FAM185A: variants seen among roughly 807,000 people sequenced by gnomAD.
The protein encoded by FAM185A is family with sequence similarity 185 member A.
A neutral mutation model predicts 45.7 loss-of-function variants in FAM185A; 21 were observed. That is an observed-to-expected ratio of 0.46 (90% confidence interval 0.33 to 0.66). The LOEUF (loss-of-function observed/expected upper bound fraction) is 0.66, where lower values mean the gene tolerates loss of function less well. Ranked by LOEUF, FAM185A falls within the 30% of genes least tolerant of loss-of-function variation. The pLI is 0.03. For missense variants in FAM185A, 305 were observed against 485.4 expected (o/e 0.63, Z 3.49); for synonymous variants, 117 against 194.0 (o/e 0.60, Z 3.30).
intron 7 of FAM185A, among the ~76,000 whole-genome samples, chr7:102,801,663 G>A (rs968408823): frequency 6.6e-6 from 1 of 152,208 alleles, no homozygotes; most frequent in East Asian, 1.9e-4. Context: ...AGTGGCTCAT[G>A]CCTATAATCC....
rs1350813287 is a variant in FAM185A at position 102,808,764 on chromosome 7, G to A, written c.*362G>A. On this transcript the variant is annotated 3_prime_UTR_variant, in exon 8 of 8. Transcript: ENST00000413034. ...TCATTCAGATTATTGGGAAAATCCA[G>A]TTCCTTGTGACTGGATGACTGAGGT... is the stretch of plus-strand genomic sequence containing the variant. 5.0e-6 allele frequency: 1 copy of A among 200,670 alleles called. No individual in the cohort carries two copies. The highest frequency in any genetic ancestry group is 1.3e-4 in the East Asian group (1 of 7,720). The allele number at this position is 200,670 out of a possible 1,614,324, so 12.4% of individuals were successfully genotyped here.
chr7:102,801,803 T>G (rs534573653), intron 7 of FAM185A, among the ~76,000 whole-genome samples: 1 of 151,900 alleles, frequency 6.6e-6, no homozygotes, highest in South Asian at 2.1e-4. Context: ...CGGGCACCTG[T>G]AATCCCAGCT....
chr7:102,769,419 A>G (rs183025717), intron 4 of FAM185A, among the ~76,000 whole-genome samples: 6 of 152,242 alleles, frequency 3.9e-5, no homozygotes, highest in African/African-American at 1.4e-4. Context: ...CTTTTTGAGA[A>G]AGACCATATT....
At chr7:102,789,779 C>T (rs911596470) in intron 7 of FAM185A, among the ~76,000 whole-genome samples, 45 of 152,256 alleles carry the variant, frequency 3.0e-4, no homozygotes, top group African/African-American at 1.0e-3. Flanking sequence ...CACAAACACA[C>T]TTTACAGCTG....
At chr7:102,801,917 G>A (rs1229571960) in intron 7 of FAM185A, among the ~76,000 whole-genome samples, 12 of 122,048 alleles carry the variant, frequency 9.8e-5, no homozygotes, top group South Asian at 2.7e-4. Context: ...GGGAGACTAC[G>A]TCTCAAAAAA....
chr7:102,791,606 G>A (rs1416870941), intron 7 of FAM185A, among the ~76,000 whole-genome samples: 2 of 152,238 alleles, frequency 1.3e-5, no homozygotes, highest in African/African-American at 4.8e-5. Context: ...CACAGTGGAA[G>A]AATCTAGGTA....
At chr7:102,832,924 GCAATAAGAGACATCCA>G in the FAM185A span, 1 of 1,614,234 alleles carries the variant, frequency 6.2e-7, no homozygotes. Context: ...ACAGCTGGGA[GCAATAAGAGACATCCA>G]AATGTTCCAA....
chr7:102,776,236 G>T (rs1247262152), intron 5 of FAM185A, among the ~76,000 whole-genome samples: 17 of 150,874 alleles, frequency 1.1e-4, no homozygotes, highest in Non-Finnish European at 2.4e-4. Context: ...TTTTTAAGAG[G>T]CCTCTCTAAA....
intron 7 of FAM185A, among the ~76,000 whole-genome samples, chr7:102,788,546 T>A (rs1009490840): frequency 6.6e-6 from 1 of 152,098 alleles, no homozygotes; most frequent in South Asian, 2.1e-4. Flanking sequence ...CCAAAAAACA[T>A]AACAGGAATA....
At chr7:102,789,196 A>G (rs1796000595) in intron 7 of FAM185A, among the ~76,000 whole-genome samples, 1 of 152,166 alleles carries the variant, frequency 6.6e-6, no homozygotes, top group Non-Finnish European at 1.5e-5. Context: ...ATAGCTCACT[A>G]TAAACTCAAA....
chr7:102,765,449 G>C (rs1203398127), intron 4 of FAM185A, among the ~76,000 whole-genome samples: 1 of 151,954 alleles, frequency 6.6e-6, no homozygotes, highest in Non-Finnish European at 1.5e-5. Context: ...GGAAACAAGA[G>C]CATGAAATTT....
intron 2 of FAM185A, chr7:102,755,357 A>C: frequency 1.7e-6 from 1 of 584,832 alleles, no homozygotes; most frequent in Middle Eastern, 4.6e-4. Context: ...TCCATACTCT[A>C]TAAGCAGCTG....
intron 5 of FAM185A, among the ~76,000 whole-genome samples, chr7:102,773,846 G>T (rs1405213147): frequency 1.3e-5 from 2 of 152,054 alleles, no homozygotes; most frequent in Non-Finnish European, 2.9e-5. Context: ...CTGATCTCTT[G>T]TTCCTAATTC....
intron 3 of FAM185A, among the ~76,000 whole-genome samples, chr7:102,758,435 T>C (rs1793904039): frequency 8.3e-6 from 1 of 120,620 alleles, no homozygotes; most frequent in African/African-American, 3.3e-5. Context: ...AGCTTTTTTT[T>C]TTTTTTTTTT....
intron 7 of FAM185A, among the ~76,000 whole-genome samples, chr7:102,787,847 A>G (rs1225615360): frequency 6.6e-6 from 1 of 152,226 alleles, no homozygotes; most frequent in Non-Finnish European, 1.5e-5. Context: ...TACATTTTAA[A>G]CTTGCTCTTT....
intron 6 of FAM185A, chr7:102,779,820 G>A (rs1795291129): frequency 7.1e-6 from 1 of 141,542 alleles, no homozygotes; most frequent in South Asian, 2.5e-4. Context: ...CCAGGTAGAT[G>A]AGACTACAGT....
At chr7:102,809,839 G>A (rs1282443633), downstream of FAM185A, among the ~76,000 whole-genome samples, 1 of 152,200 alleles carries the variant, frequency 6.6e-6, no homozygotes, top group East Asian at 1.9e-4. Context: ...CAGTGTTGGA[G>A]GTGGGGCCTG....
chr7:102,836,288 T>TAAA, the FAM185A span, among the ~76,000 whole-genome samples: 1 of 152,226 alleles, frequency 6.6e-6, no homozygotes, highest in African/African-American at 2.4e-5. Flanking sequence ...GGTCTAAGGC[T>TAAA]TTATGCTAAA....
At chr7:102,758,431 T>A (rs1438811993) in intron 3 of FAM185A, among the ~76,000 whole-genome samples, 3,112 of 88,630 alleles carry the variant, frequency 0.035, 257 homozygotes, top group Middle Eastern at 0.057. Context: ...TCACAGCTTT[T>A]TTTTTTTTTT....
Sources: allele counts gnomAD v4.1 joint callset (sites outside exome capture counted in the v4.1 genomes callset), GRCh38; gene constraint gnomAD v4.1.1; transcripts MANE v1.5; gene names NCBI Gene and HGNC (gene_info 2026-07-23, HGNC 2026-07-21).